Variants in KDM3A observed in about 807,000 individuals in gnomAD.
The protein encoded by KDM3A is lysine demethylase 3A.
A neutral mutation model predicts 158.0 loss-of-function variants in KDM3A; 60 were observed. The observed-to-expected ratio is 0.38, with a 90% CI of 0.31 to 0.47. KDM3A has a LOEUF of 0.47. Among genes scored for constraint, KDM3A ranks in the 20% least tolerant of loss-of-function variants. KDM3A has a pLI of 0.99. For synonymous variants in KDM3A, 608 were observed against 549.3 expected, an observed-to-expected ratio of 1.11 and a Z score of -1.49; for missense variants, 1,319 against 1,574.3, an observed-to-expected ratio of 0.84 and a Z score of 2.74.
chr2:86,465,807 T>A (rs989850100), intron 9 of KDM3A, among the ~76,000 whole-genome samples: 1 of 151,992 alleles, frequency 6.6e-6, no homozygotes, highest in African/African-American at 2.4e-5. Context: ...TCTTGACACA[T>A]TGACCTTTAC....
intron 12 of KDM3A, among the ~76,000 whole-genome samples, chr2:86,476,898 A>G (rs1673680069): frequency 6.6e-6 from 1 of 152,240 alleles, no homozygotes; most frequent in Non-Finnish European, 1.5e-5. Context: ...GATGTTCTCC[A>G]TAGAACAGGA....
intron 2 of KDM3A, among the ~76,000 whole-genome samples, chr2:86,449,162 T>C (rs1290798123): frequency 1.3e-5 from 2 of 152,250 alleles, no homozygotes; most frequent in Admixed American, 1.3e-4. Context: ...AACTTTCATA[T>C]AAGAAGCTAG....
upstream of KDM3A, among the ~76,000 whole-genome samples, chr2:86,439,701 G>A (rs1346645452): frequency 6.6e-6 from 1 of 152,056 alleles, no homozygotes; most frequent in Non-Finnish European, 1.5e-5. Context: ...TGTCAAATTT[G>A]TAAAATTTCT....
Position 86,485,799 on chromosome 2 carries a change from T to C in KDM3A, c.3253T>C (p.Ser1085Pro), listed in dbSNP as rs1411016376. 6.2e-7 allele frequency: 1 copy of C among 1,614,166 alleles called. No homozygotes were observed. Among genetic ancestry groups the C allele is most frequent in the South Asian group, 1.1e-5 (1 of 91,078 alleles). Residue 1085 changes from serine (S) to proline (P), a missense_variant, in exon 21 of 26, where the codon TCT becomes CCT. Around this residue, in one of 4 missense-constraint regions of KDM3A, gnomAD observed 186 missense variants for 340.9 expected, o/e 0.55. Coordinates refer to ENST00000312912, the MANE Select transcript of KDM3A (RefSeq NM_018433.6). The part of the protein sequence containing the change: ...TRRDGKLNLA[S>P]RLPNYFVRPD... ...GCGAGATGGCAAACTGAATTTGGCC[T>C]CTAGGCTGCCAAACTACTTTGTTCG...
Position 86,480,179 on chromosome 2 carries a change from G to A in KDM3A, c.2329G>A (p.Gly777Arg). Residue 777 changes from glycine (G) to arginine (R), a missense_variant, in exon 16 of 26, where the codon GGA becomes AGA. Physicochemically the swap from Gly to Arg is moderately radical, Grantham distance 125. Transcript: ENST00000312912. ...KEDLKQTSLAGEKPTLGAVLQ... is the reference protein window; with the variant it reads ...KEDLKQTSLAREKPTLGAVLQ... Reference sequence around the variant, plus strand: ...ATGCTTAACACAGACTTCTTTAGCTGGAGAAAAACCGACTCTTGGTGCAGT... The same window carrying A: ...ATGCTTAACACAGACTTCTTTAGCTAGAGAAAAACCGACTCTTGGTGCAGT... 6.2e-7 allele frequency: 1 copy of A among 1,612,538 alleles called. No individual in the cohort carries two copies. The highest frequency in any genetic ancestry group is 2.0e-4 in the Middle Eastern group (1 of 4,888).
chr2:86,471,728 T>G (rs1033666777), intron 11 of KDM3A, among the ~76,000 whole-genome samples: 4 of 152,246 alleles, frequency 2.6e-5, no homozygotes, highest in Non-Finnish European at 4.4e-5. Context: ...AAGAGTTTTT[T>G]AGGTACTAGT....
rs775091656 is a variant in KDM3A, at chr2:86,480,382, G to A, written c.2512+20G>A. On this transcript the variant is annotated intron_variant, in intron 16 of 25. Transcript: ENST00000312912. ...ACAAGGGTGAGTGTTTCCTGCTTTT[G>A]TGTTTGTTCTTGAGTATTTTAGTCC... The A allele has an allele frequency of 1.8e-5, 29 of 1,595,204 alleles. No homozygotes were observed. The highest frequency in any genetic ancestry group is 3.4e-5 in the Admixed American group (2 of 58,304).
At position 86,474,813 on chromosome 2, in the gene KDM3A, G is replaced by T; in HGVS notation, c.1762G>T (p.Gly588Cys). 2 of 1,609,950 alleles carry T rather than the reference G, an allele frequency of 1.2e-6. No homozygotes were observed. Among genetic ancestry groups the T allele is most frequent in the African/African-American group, 2.7e-5 (2 of 74,450 alleles). Reference sequence around the variant, plus strand: ...CAAACATGGTGTGTTGCGGGTAGAAGGCTTCTTAACACCAAACAAGTATGA... The same window carrying T: ...CAAACATGGTGTGTTGCGGGTAGAATGCTTCTTAACACCAAACAAGTATGA... ...FNKHGVLRVE[G>C]FLTPNKYDNE... The change falls in exon 12 of 26, where the codon GGC becomes TGC. Residue 588 changes from glycine (G) to cysteine (C), a missense_variant. Coordinates refer to ENST00000312912, the MANE Select transcript of KDM3A (RefSeq NM_018433.6).
intron 11 of KDM3A, among the ~76,000 whole-genome samples, chr2:86,470,611 CAA>C (rs1483684426): frequency 1.2e-4 from 18 of 151,906 alleles, no homozygotes; most frequent in African/African-American, 4.4e-4. Flanking sequence ...TTTAAAGTAA[CAA>C]AGCTTAAAAA....
chr2:86,471,821 T>G (rs941044889), intron 11 of KDM3A, among the ~76,000 whole-genome samples: 4 of 152,228 alleles, frequency 2.6e-5, no homozygotes, highest in Non-Finnish European at 4.4e-5. Context: ...ACTGTTAACG[T>G]ATGTTAACAT....
Position 86,449,925 on chromosome 2 carries a change from C to T in KDM3A, c.305C>T (p.Pro102Leu), listed in dbSNP as rs751773209. Residue 102 changes from proline (P) to leucine (L), a missense_variant, in exon 3 of 26, where the codon CCT becomes CTT. Transcript: ENST00000312912. ...HNLVLAERKS[P>L]EISERIVQWP... ...TTGGTTTTAGCTGAACGAAAGTCAC[C>T]TGAAATTTCTGAACGAATTGTACAG... 6 of 1,613,600 alleles carry T rather than the reference C, an allele frequency of 3.7e-6. No individual in the cohort carries two copies. The highest frequency in any genetic ancestry group is 5.1e-6 in the Non-Finnish European group (6 of 1,179,686).
chr2:86,451,848 C>G (rs545235256), intron 4 of KDM3A, among the ~76,000 whole-genome samples: 52 of 152,108 alleles, frequency 3.4e-4, no homozygotes, highest in Admixed American at 8.5e-4. Flanking sequence ...TATGGAAACA[C>G]TTAGGTGATA....
chr2:86,438,538 T>C (rs1682529091), upstream of KDM3A, among the ~76,000 whole-genome samples: 1 of 152,084 alleles, frequency 6.6e-6, no homozygotes, highest in East Asian at 1.9e-4. Flanking sequence ...AGGGAATGCA[T>C]ATGTAAAATA....
intron 21 of KDM3A, chr2:86,488,698 G>GT (rs1674305454): frequency 6.5e-6 from 1 of 152,690 alleles, no homozygotes; most frequent in African/African-American, 2.4e-5. Flanking sequence ...AAGAAGCAGA[G>GT]TCCTGGTGTT....
Position 86,482,680 on chromosome 2 carries a change from T to G in KDM3A, c.2908T>G (p.Trp970Gly). The change falls in exon 18 of 26, where the codon TGG (tryptophan) becomes GGG (glycine). Residue 970 changes from tryptophan to glycine, a missense_variant. By Grantham distance (184) the Trp-to-Gly change is radical. Transcript: ENST00000312912. Reference sequence around the variant, plus strand: ...CAACTGGAATGTGTTTAGGGAGTGCTGGAAACAAGGGCAGGTAATGTAGGC... The same window carrying G: ...CAACTGGAATGTGTTTAGGGAGTGCGGGAAACAAGGGCAGGTAATGTAGGC... ...KSNWNVFREC[W>G]KQGQPVMVSG... is the part of the protein sequence containing the mutation. 3 of 1,613,946 alleles carry G rather than the reference T, an allele frequency of 1.9e-6. No homozygotes were observed. The highest frequency in any genetic ancestry group is 2.5e-6 in the Non-Finnish European group (3 of 1,179,990).
chr2:86,439,592 A>G (rs936357365), upstream of KDM3A, among the ~76,000 whole-genome samples: 1 of 152,094 alleles, frequency 6.6e-6, no homozygotes, highest in African/African-American at 2.4e-5. Context: ...TCAAATTAAT[A>G]TTTAATTACA....
rs1324660618 is a variant in KDM3A, at chr2:86,466,663, T to C, written c.1299T>C (p.Pro433=). Residue 433 remains proline, a synonymous_variant, in exon 10 of 26, where the codon CCT becomes CCC. Transcript: ENST00000312912. ...AGGCAGAATTGGAAATTGCCAATCC[T>C]CCTGAACTGCAGAAGCACCTAGAAC... ...SSKAELEIAN[P]PELQKHLEHA... 1.2e-6 allele frequency: 2 copies of C among 1,613,962 alleles called. No homozygotes were observed. The highest frequency in any genetic ancestry group is 2.2e-5 in the East Asian group (1 of 44,878).
At chr2:86,478,806 G>A (rs1438430591) in intron 15 of KDM3A, 71 bp downstream of exon 15, 1 of 1,496,574 alleles carries the variant, frequency 6.7e-7, no homozygotes, top group African/African-American at 1.4e-5. Flanking sequence ...ATAACCCAAG[G>A]ATTTCTATCA....
chr2:86,451,004 G>A (rs746047990), intron 3 of KDM3A, 99 bp from the exon 4 acceptor site: 110 of 670,666 alleles, frequency 1.6e-4, no homozygotes, highest in Non-Finnish European at 2.6e-4. Flanking sequence ...AAAAATTAGT[G>A]GCTTTATCAC....
Sources: gnomAD v4.1 joint callset for allele counts (sites outside exome capture counted in the v4.1 genomes callset) on GRCh38, gnomAD v4.1.1 for gene constraint, gnomAD v4.1.1 regional missense constraint, MANE v1.5 for transcripts, NCBI Gene and HGNC (gene_info 2026-07-23, HGNC 2026-07-21) for gene names.